Variants in KCTD16 observed in about 807,000 individuals in gnomAD.
KCTD16 encodes potassium channel tetramerization domain containing 16.
In KCTD16, 13 loss-of-function variants were observed where a neutral mutation model predicts 33.2. The ratio of observed to expected loss-of-function variants is 0.39; its 90% CI spans 0.25 to 0.62. KCTD16 has a LOEUF of 0.62. KCTD16 is among the 20% of genes least tolerant of loss of function. The pLI is 0.50. For missense variants in KCTD16, 441 were observed against 525.1 expected (o/e 0.84, Z 1.57); for synonymous variants, 197 against 195.3 (o/e 1.01, Z -0.07).
chr5:144,418,369 T>C (rs529248782), intron 3 of KCTD16, among the ~76,000 whole-genome samples: 1 of 152,314 alleles, frequency 6.6e-6, no homozygotes, highest in South Asian at 2.1e-4. Flanking sequence ...AGAGAGCTGA[T>C]TGGTCCATTT....
intron 3 of KCTD16, among the ~76,000 whole-genome samples, chr5:144,301,151 G>C (rs1248199636): frequency 6.7e-6 from 1 of 149,084 alleles, no homozygotes; most frequent in Non-Finnish European, 1.5e-5. Context: ...TGAGGCAGGA[G>C]AATCCCTTGA....
At chr5:144,310,584 AT>A (rs34649260) in intron 3 of KCTD16, among the ~76,000 whole-genome samples, 18,958 of 98,730 alleles carry the variant, frequency 0.19, 2,900 homozygotes, top group African/African-American at 0.42. Context: ...AATATTATAT[AT>A]TTTTTTTGAT....
intron 3 of KCTD16, among the ~76,000 whole-genome samples, chr5:144,292,789 C>A (rs182462037): frequency 3.3e-5 from 5 of 152,218 alleles, no homozygotes; most frequent in Admixed American, 2.6e-4. Context: ...AACTTCCCAC[C>A]CCTCAAGAGC....
At chr5:144,351,317 C>G (rs1472332568) in intron 3 of KCTD16, among the ~76,000 whole-genome samples, 3 of 152,150 alleles carry the variant, frequency 2.0e-5, no homozygotes, top group Non-Finnish European at 4.4e-5. Flanking sequence ...TATGACATCA[C>G]TAGTCATCAG....
chr5:144,230,830 G>C (rs1423434276), intron 3 of KCTD16, among the ~76,000 whole-genome samples: 1 of 152,198 alleles, frequency 6.6e-6, no homozygotes. Context: ...CAATTCTTAA[G>C]TAATGTCGTA....
At chr5:144,379,433 T>C (rs1027686353) in intron 3 of KCTD16, among the ~76,000 whole-genome samples, 12 of 152,166 alleles carry the variant, frequency 7.9e-5, no homozygotes, top group African/African-American at 2.9e-4. Flanking sequence ...TTTGTGACTA[T>C]AGGGACTGTG....
At chr5:144,461,206 T>A (rs1754186880) in intron 3 of KCTD16, among the ~76,000 whole-genome samples, 1 of 152,194 alleles carries the variant, frequency 6.6e-6, no homozygotes, top group Non-Finnish European at 1.5e-5. Flanking sequence ...AAAGAATTAT[T>A]GAACAAAGGG....
intron 2 of KCTD16, among the ~76,000 whole-genome samples, chr5:144,203,954 T>C (rs960297131): frequency 2.6e-5 from 4 of 152,218 alleles, no homozygotes; most frequent in African/African-American, 9.7e-5. Context: ...GTGCATCACA[T>C]AACAAACATC....
chr5:144,368,113 A>G (rs73303935), intron 3 of KCTD16, among the ~76,000 whole-genome samples: 7,040 of 152,162 alleles, frequency 0.046, 322 homozygotes, highest in African/African-American at 0.11. Context: ...AGAGGAGCCC[A>G]TGAACAATAA....
At chr5:144,465,648 T>G (rs1754312178) in intron 3 of KCTD16, among the ~76,000 whole-genome samples, 1 of 152,090 alleles carries the variant, frequency 6.6e-6, no homozygotes, top group Non-Finnish European at 1.5e-5. Context: ...CATTCTACAT[T>G]TTCTGGTCAA....
intron 3 of KCTD16, among the ~76,000 whole-genome samples, chr5:144,300,452 T>A (rs1751401396): frequency 6.6e-6 from 1 of 152,204 alleles, no homozygotes; most frequent in African/African-American, 2.4e-5. Context: ...GTGCAAATTG[T>A]CTCATGCTAT....
intron 2 of KCTD16, among the ~76,000 whole-genome samples, chr5:144,187,956 A>T (rs769932581): frequency 1.3e-5 from 2 of 152,186 alleles, no homozygotes; most frequent in Non-Finnish European, 2.9e-5. Flanking sequence ...CCCCACCGGA[A>T]GTGGATGTGG....
At chr5:144,268,986 A>G (rs1189669473) in intron 3 of KCTD16, among the ~76,000 whole-genome samples, 2 of 152,188 alleles carry the variant, frequency 1.3e-5, no homozygotes, top group South Asian at 2.1e-4. Flanking sequence ...AGATTTGAAC[A>G]AGGAGAAGAA....
intron 3 of KCTD16, among the ~76,000 whole-genome samples, chr5:144,453,394 T>C (rs532371064): frequency 6.6e-6 from 1 of 152,280 alleles, no homozygotes; most frequent in Admixed American, 6.5e-5. Flanking sequence ...AGAAGCGATT[T>C]CAGCCTGAGT....
At chr5:144,356,145 G>A (rs1751565942) in intron 3 of KCTD16, among the ~76,000 whole-genome samples, 1 of 152,142 alleles carries the variant, frequency 6.6e-6, no homozygotes, top group East Asian at 1.9e-4. Flanking sequence ...ATGGTTAGAA[G>A]CTACGACGGT....
intron 3 of KCTD16, among the ~76,000 whole-genome samples, chr5:144,279,065 G>T (rs998853618): frequency 1.1e-4 from 16 of 152,128 alleles, no homozygotes; most frequent in African/African-American, 3.6e-4. Flanking sequence ...TCATTTCTTT[G>T]AGATTTTTAA....
chr5:144,459,824 CTTTTTTTTTTTTTTTTT>C (rs70995051), intron 3 of KCTD16, among the ~76,000 whole-genome samples: 3 of 66,754 alleles, frequency 4.5e-5, no homozygotes, highest in Admixed American at 4.8e-4. Context: ...CCAATATCAT[CTTTTTTTTTTTTTTTTT>C]TTTTTTTTGA....
rs138287053 is a variant in KCTD16, at chr5:144,438,839, G to A, written c.833-34821G>A. Among the ~76,000 whole-genome samples, 65 of 152,264 alleles carry A rather than the reference G, an allele frequency of 4.3e-4. 1 individual carries two copies. The East Asian group carries it at 0.012, about 28-fold the overall frequency. On this transcript the variant is annotated intron_variant, in intron 3 of 3. Coordinates refer to ENST00000512467, the MANE Select transcript of KCTD16 (RefSeq NM_020768.4). Reference sequence around the variant, plus strand: ...GCTTGTCAGGGGTGAGAGAAAGGATGTACTTATCCTGTGTTTTTTGACTCA... The same window carrying A: ...GCTTGTCAGGGGTGAGAGAAAGGATATACTTATCCTGTGTTTTTTGACTCA...
chr5:144,320,397 G>C (rs1752040487), intron 3 of KCTD16, among the ~76,000 whole-genome samples: 2 of 152,144 alleles, frequency 1.3e-5, no homozygotes, highest in South Asian at 4.1e-4. Context: ...AGAAAGAAAA[G>C]CTCTTTGGGG....
Sources: allele counts gnomAD v4.1 joint callset (sites outside exome capture counted in the v4.1 genomes callset), GRCh38; gene constraint gnomAD v4.1.1; transcripts MANE v1.5; gene names NCBI Gene and HGNC (gene_info 2026-07-23, HGNC 2026-07-21).